The following SNX14 variants were observed in gnomAD, a reference collection of about 807,000 sequenced individuals.
The protein encoded by SNX14 is sorting nexin 14.
In SNX14, 93 loss-of-function variants were observed where a neutral mutation model predicts 133.8. The ratio of observed to expected loss-of-function variants is 0.70; its 90% confidence interval spans 0.59 to 0.83. The LOEUF (loss-of-function observed/expected upper bound fraction) is 0.83, where lower values mean the gene tolerates loss of function less well. Among genes scored for constraint, SNX14 ranks in the 40% least tolerant of loss-of-function variants. The pLI, the probability that SNX14 is intolerant of heterozygous loss-of-function variation, is 0.00. For missense variants in SNX14, 945 were observed against 1,094.9 expected (o/e 0.86, Z 1.93); for synonymous variants, 368 against 365.6 (o/e 1.01, Z -0.07).
chr6:85,590,396 G>A (rs1236135856), intron 1 of SNX14, among the ~76,000 whole-genome samples: 4 of 152,064 alleles, frequency 2.6e-5, no homozygotes, highest in African/African-American at 9.7e-5. Context: ...CTTGTTCAGG[G>A]CTGCTCTGCC....
rs1802417549 is a variant in SNX14, at chr6:85,590,362, G to T, written c.140+3217C>A. On this transcript the variant is annotated intron_variant, in intron 1 of 28. Coordinates refer to ENST00000314673, the MANE Select transcript of SNX14 (RefSeq NM_153816.6). ...CCTTTGTGACATTTTTTCCAAAACA[G>T]GTCACTTTCATCAGCATTAAAAGCT... Among the ~76,000 whole-genome samples the T allele has an allele frequency of 2.0e-5, 3 of 152,196 alleles. No individual in the cohort carries two copies. In the South Asian group the frequency reaches 6.2e-4, roughly 32 times the overall value.
chr6:85,583,352 T>TCC (rs1206075742), intron 1 of SNX14, among the ~76,000 whole-genome samples: 1 of 152,000 alleles, frequency 6.6e-6, no homozygotes, highest in Non-Finnish European at 1.5e-5. Context: ...AACACAAGGA[T>TCC]CCCCTCTCTC....
chr6:85,587,229 T>C (rs1021937467), intron 1 of SNX14, among the ~76,000 whole-genome samples: 1 of 151,144 alleles, frequency 6.6e-6, no homozygotes, highest in Non-Finnish European at 1.5e-5. Flanking sequence ...TATGGCAAAA[T>C]ATGGATAGTT....
intron 26 of SNX14, 111 bp downstream of exon 26, chr6:85,513,689 T>C (rs1773751171): frequency 2.7e-6 from 2 of 751,776 alleles, no homozygotes. Context: ...TTTGCAACTA[T>C]TTGTAAAATG....
intron 5 of SNX14, among the ~76,000 whole-genome samples, chr6:85,567,273 C>G (rs1426176216): frequency 6.6e-6 from 1 of 152,202 alleles, no homozygotes; most frequent in Admixed American, 6.5e-5. Flanking sequence ...CAGGTCATAT[C>G]TGGCAACCTC....
At chr6:85,512,437 C>A (rs987072699) in intron 26 of SNX14, among the ~76,000 whole-genome samples, 4 of 152,034 alleles carry the variant, frequency 2.6e-5, no homozygotes, top group Admixed American at 6.6e-5. Context: ...GCCTGACCAA[C>A]AAGGGGAAAC....
chr6:85,508,238 T>G (rs1023503804), intron 26 of SNX14, 179 bp from the exon 27 acceptor site: 40 of 1,284,526 alleles, frequency 3.1e-5, no homozygotes, highest in Non-Finnish European at 3.6e-5. Flanking sequence ...TATGGTCAAG[T>G]TGACAAATGC....
intron 1 of SNX14, among the ~76,000 whole-genome samples, chr6:85,579,025 C>A (rs1396292530): frequency 6.6e-6 from 1 of 151,956 alleles, no homozygotes; most frequent in Admixed American, 6.6e-5. Flanking sequence ...GTAATCCCAG[C>A]TACTCAGGAG....
At chr6:85,538,980 G>A in intron 15 of SNX14, 116 bp from the exon 16 acceptor site, 2 of 747,898 alleles carry the variant, frequency 2.7e-6, no homozygotes, top group Middle Eastern at 3.4e-4. Flanking sequence ...AAGTTACACA[G>A]GTGTATAACA....
chr6:85,573,746 A>T (rs1222235499), intron 2 of SNX14, among the ~76,000 whole-genome samples: 1 of 152,208 alleles, frequency 6.6e-6, no homozygotes, highest in Admixed American at 6.5e-5. Context: ...ACAAGTACTG[A>T]TTACAAGGCT....
chr6:85,568,455 CAT>C (rs1226404521), intron 4 of SNX14: 1 of 152,228 alleles, frequency 6.6e-6, no homozygotes, highest in Non-Finnish European at 1.5e-5. Context: ...TGGTTACACA[CAT>C]ATGTTCGCTT....
At chr6:85,584,739 TCAGGAAACAA>T (rs950843830) in intron 1 of SNX14, among the ~76,000 whole-genome samples, 3 of 152,064 alleles carry the variant, frequency 2.0e-5, no homozygotes, top group Non-Finnish European at 4.4e-5. Flanking sequence ...CATTAAAAAG[TCAGGAAACAA>T]CAGGTGCTGG....
intron 2 of SNX14, 34 bp downstream of exon 2, chr6:85,574,224 A>T (rs1796599810): frequency 6.6e-7 from 1 of 1,514,674 alleles, no homozygotes; most frequent in East Asian, 2.3e-5. Flanking sequence ...GCTCATATAC[A>T]TTGATTCTTA....
intron 28 of SNX14, among the ~76,000 whole-genome samples, chr6:85,506,860 T>A (rs1272573640): frequency 6.6e-6 from 1 of 152,208 alleles, no homozygotes; most frequent in Non-Finnish European, 1.5e-5. Context: ...TGGGTTTACA[T>A]AAAACTTGCT....
intron 9 of SNX14, among the ~76,000 whole-genome samples, chr6:85,548,034 C>T (rs1019866475): frequency 6.6e-6 from 1 of 152,088 alleles, no homozygotes; most frequent in Non-Finnish European, 1.5e-5. Flanking sequence ...ATATGTGGTA[C>T]CCAGAGTAGT....
chr6:85,558,518 G>A (rs1790477643), intron 6 of SNX14, among the ~76,000 whole-genome samples: 2 of 152,168 alleles, frequency 1.3e-5, no homozygotes, highest in Non-Finnish European at 2.9e-5. Context: ...CCAGCCTGGA[G>A]AGCAGTGGCA....
At chr6:85,515,457 T>C (rs775485150) in intron 23 of SNX14, among the ~76,000 whole-genome samples, 1 of 146,624 alleles carries the variant, frequency 6.8e-6, no homozygotes, top group Admixed American at 6.8e-5. Flanking sequence ...AGCCAGAGAT[T>C]GCACCACTGC....
intron 21 of SNX14, among the ~76,000 whole-genome samples, chr6:85,521,917 T>A (rs1277387121): frequency 1.3e-5 from 2 of 152,214 alleles, no homozygotes; most frequent in Non-Finnish European, 1.5e-5. Context: ...TTGATTTTTT[T>A]ATTATGTGAT....
chr6:85,563,056 CAT>C (rs1792286764), intron 6 of SNX14, among the ~76,000 whole-genome samples: 1 of 152,050 alleles, frequency 6.6e-6, no homozygotes, highest in Admixed American at 6.6e-5. Context: ...TCATTAAAAA[CAT>C]ATTTATTTGC....
Sources: gnomAD v4.1 joint callset for allele counts (sites outside exome capture counted in the v4.1 genomes callset) on GRCh38, gnomAD v4.1.1 for gene constraint, MANE v1.5 for transcripts, NCBI Gene and HGNC (gene_info 2026-07-23, HGNC 2026-07-21) for gene names.